Variants in LRP11 observed in about 807,000 individuals in gnomAD.
The protein encoded by LRP11 is low-density lipoprotein receptor-related protein 11.
A neutral mutation model predicts 43.1 loss-of-function variants in LRP11; 25 were observed. The observed-to-expected ratio is 0.58, with a 90% confidence interval of 0.42 to 0.81. The LOEUF (loss-of-function observed/expected upper bound fraction) is 0.81. Ranked by LOEUF, LRP11 falls within the 30% of genes least tolerant of loss-of-function variation. The pLI is 0.00. For synonymous variants in LRP11, 316 were observed against 299.4 expected (o/e 1.06, Z -0.57); for missense variants, 623 against 665.1 (o/e 0.94, Z 0.70).
At chr6:149,847,044 G>C (rs1469648765) in intron 2 of LRP11, among the ~76,000 whole-genome samples, 1 of 151,764 alleles carries the variant, frequency 6.6e-6, no homozygotes, top group Non-Finnish European at 1.5e-5. Context: ...AGGCCAGGGA[G>C]CTGGGTGTAC....
intron 1 of LRP11, 128 bp from the exon 2 acceptor site, chr6:149,853,288 AATT>A: frequency 2.8e-6 from 2 of 719,576 alleles, no homozygotes; most frequent in South Asian, 5.5e-5. Context: ...ATTAAATGGA[AATT>A]ATTTTTCTAT....
intron 1 of LRP11, 34 bp downstream of exon 1, chr6:149,863,374 C>T (rs1438008291): frequency 7.6e-7 from 1 of 1,314,808 alleles, no homozygotes. Flanking sequence ...CTCGAGCGCT[C>T]TGGCCAAGGC....
chr6:149,863,842 T>G lies in LRP11; in HGVS notation c.179A>C (p.Glu60Ala). ...CTGCTGCAGTTGCCGGCGGAACTCC[T>G]CCAGCAGCTGCTCCACGCCCGACAG... ...AQLSGVEQLL[E>A]EFRRQLQQER... is the part of the protein sequence containing the mutation. Residue 60 changes from glutamate to alanine, a missense_variant, in exon 1 of 7, where the codon GAG becomes GCG. Physicochemically the swap from Glu to Ala is moderately radical, Grantham distance 107. Transcript: ENST00000239367. 2.0e-6 allele frequency: 3 copies of G among 1,509,770 alleles called. No individual in the cohort carries two copies. The South Asian group carries it at 3.7e-5, about 19-fold the overall frequency. 93.5% of individuals were successfully genotyped at this position (1,509,770 alleles called of 1,614,324 possible).
intron 2 of LRP11, among the ~76,000 whole-genome samples, chr6:149,846,194 G>A (rs1583088859): frequency 1.3e-5 from 2 of 152,352 alleles, no homozygotes; most frequent in Admixed American, 1.3e-4. Flanking sequence ...AGGTGGTGAA[G>A]CTCAGAGCTG....
chr6:149,834,524 G>A (rs1004505932), intron 5 of LRP11, among the ~76,000 whole-genome samples: 4 of 152,194 alleles, frequency 2.6e-5, no homozygotes, highest in Non-Finnish European at 4.4e-5. Context: ...ATCCATCCTG[G>A]CCTCTGATAA....
In LRP11 at chr6:149,854,973, G is replaced by A. The variant is rs73779587; in HGVS notation, c.614-1813C>T. The stretch of plus-strand genomic sequence containing the variant: ...GACTCTTCTGGAAAGCTAATCTGAC[G>A]GGGTCATTCTGCGAGTAGGAAAAAC... On this transcript the variant is annotated intron_variant, in intron 1 of 6. Coordinates refer to ENST00000239367, the MANE Select transcript of LRP11 (RefSeq NM_032832.6). Among the ~76,000 whole-genome samples the A allele has an allele frequency of 6.3e-3, 959 of 152,264 alleles. 16 individuals carry two copies. Among genetic ancestry groups the A allele is most frequent in the African/African-American group, 0.022 (912 of 41,546 alleles).
At chr6:149,851,133 G>T (rs1380059036) in intron 2 of LRP11, among the ~76,000 whole-genome samples, 1 of 152,196 alleles carries the variant, frequency 6.6e-6, no homozygotes, top group African/African-American at 2.4e-5. Flanking sequence ...TTCATAACTT[G>T]AGGTCTACCT....
chr6:149,844,688 G>A (rs1199383492), intron 2 of LRP11, among the ~76,000 whole-genome samples: 1 of 152,162 alleles, frequency 6.6e-6, no homozygotes, highest in Non-Finnish European at 1.5e-5. Context: ...CTATTACATT[G>A]ATGCGTTAAT....
At chr6:149,821,503 C>T (rs752860190) in intron 6 of LRP11, among the ~76,000 whole-genome samples, 2 of 152,176 alleles carry the variant, frequency 1.3e-5, no homozygotes, top group Non-Finnish European at 2.9e-5. Flanking sequence ...GTCAGTAGAA[C>T]CTTTGTTGAA....
At chr6:149,848,728 A>G (rs1205912574) in intron 2 of LRP11, among the ~76,000 whole-genome samples, 1 of 151,700 alleles carries the variant, frequency 6.6e-6, no homozygotes, top group Non-Finnish European at 1.5e-5. Flanking sequence ...GACCTACTTG[A>G]GGGTGGAGGA....
chr6:149,835,259 G>A (rs537325742), intron 5 of LRP11, among the ~76,000 whole-genome samples: 8 of 152,286 alleles, frequency 5.3e-5, no homozygotes, highest in African/African-American at 1.9e-4. Flanking sequence ...GATTATAGGT[G>A]AGTCACTGCA....
At chr6:149,842,729 C>A in intron 3 of LRP11, 1 of 1,527,694 alleles carries the variant, frequency 6.5e-7, no homozygotes, top group South Asian at 1.2e-5. Flanking sequence ...TTGATGAAGT[C>A]GAGTCAAGAG....
intron 1 of LRP11, among the ~76,000 whole-genome samples, chr6:149,853,934 T>C: frequency 6.6e-6 from 1 of 152,154 alleles, no homozygotes; most frequent in Non-Finnish European, 1.5e-5. Context: ...GAATGGGAAA[T>C]ATATTAAGTT....
At chr6:149,859,396 A>ATATATATATATATATATATATATATATT in intron 1 of LRP11, among the ~76,000 whole-genome samples, 25 of 71,492 alleles carry the variant, frequency 3.5e-4, no homozygotes, top group South Asian at 5.2e-4. Context: ...ATATATATAT[A>ATATATATATATATATATATATATATATT]TTTTTTTTTT....
intron 2 of LRP11, among the ~76,000 whole-genome samples, chr6:149,846,845 A>G (rs1236610681): frequency 2.6e-5 from 4 of 152,074 alleles, no homozygotes; most frequent in African/African-American, 9.7e-5. Flanking sequence ...GAGGCATGAG[A>G]AACTCTTGAA....
intron 2 of LRP11, 79 bp from the exon 3 acceptor site, chr6:149,843,203 A>C: frequency 6.4e-7 from 1 of 1,555,500 alleles, no homozygotes. Context: ...CCGAAAGTCC[A>C]TGTCCTCAGA....
intron 6 of LRP11, among the ~76,000 whole-genome samples, chr6:149,823,548 C>A (rs1776303133): frequency 6.6e-6 from 1 of 152,146 alleles, no homozygotes; most frequent in Admixed American, 6.5e-5. Context: ...AGGAAGTTCA[C>A]TCCAGACAGT....
In LRP11 at chr6:149,863,560, G is replaced by A; in HGVS notation, c.461C>T (p.Pro154Leu). 1 of 1,377,306 alleles carries A rather than the reference G, an allele frequency of 7.3e-7. No homozygotes were observed. The highest frequency in any genetic ancestry group is 3.5e-5 in the Admixed American group (1 of 28,968). 85.3% of individuals were successfully genotyped at this position (1,377,306 alleles called of 1,614,324 possible). ...GAGGTAGCAGCCGAGCACGGCTGCC[G>A]GGGGCGCGGGGCGCCGGGGCAGCTC... ...VVELPRRPAPPAAVLGCYLFN... is the reference protein window; with the variant it reads ...VVELPRRPAPLAAVLGCYLFN... The change falls in exon 1 of 7, where the codon CCG becomes CTG. Residue 154 changes from proline to leucine, a missense_variant. Transcript: ENST00000239367.
chr6:149,836,496 A>G (rs1583081457), intron 4 of LRP11, among the ~76,000 whole-genome samples, 199 bp from the exon 5 acceptor site: 1 of 152,332 alleles, frequency 6.6e-6, no homozygotes, highest in Non-Finnish European at 1.5e-5. Context: ...TCCAATAGTC[A>G]GCTTTCCAAA....
Sources: allele counts gnomAD v4.1 joint callset (sites outside exome capture counted in the v4.1 genomes callset), GRCh38; gene constraint gnomAD v4.1.1; transcripts MANE v1.5; gene names NCBI Gene and HGNC (gene_info 2026-07-23, HGNC 2026-07-21).